The following AR variants were observed in gnomAD, a reference collection of about 807,000 sequenced individuals.
AR encodes the protein androgen receptor.
In AR, 8 loss-of-function variants were observed where a neutral mutation model predicts 53.9. The ratio of observed to expected loss-of-function variants is 0.15; its 90% CI spans 0.09 to 0.27. The LOEUF (loss-of-function observed/expected upper bound fraction) is 0.27. Among genes scored for constraint, AR ranks in the 10% least tolerant of loss-of-function variants. The pLI, the probability that AR is intolerant of heterozygous loss-of-function variation, is 1.00. For synonymous variants in AR, 359 were observed against 316.4 expected (o/e 1.13, Z -1.43); for missense variants, 639 against 742.5 (o/e 0.86, Z 1.62).
At chrX:67,567,434 C>T (rs976523385) in intron 1 of AR, among the ~76,000 whole-genome samples, 3 of 111,195 alleles carry the variant, frequency 2.7e-5, no homozygotes, top group Admixed American at 9.6e-5. Context: ...CCTTCCTTTC[C>T]GAGAGTCCTT....
intron 1 of AR, among the ~76,000 whole-genome samples, chrX:67,614,774 G>A (rs922116504): frequency 1.8e-5 from 2 of 111,211 alleles, no homozygotes; most frequent in Non-Finnish European, 3.8e-5. Flanking sequence ...ACTAGGGAAA[G>A]ACTTTAAAAA....
intron 2 of AR, among the ~76,000 whole-genome samples, chrX:67,655,348 C>T (rs1272209054): frequency 3.6e-5 from 4 of 111,128 alleles, no homozygotes; most frequent in African/African-American, 1.3e-4. Context: ...CACTTTTTTG[C>T]ATAGCTTCTT....
intron 1 of AR, among the ~76,000 whole-genome samples, chrX:67,579,501 G>C (rs947356455): frequency 2.7e-5 from 3 of 111,922 alleles, no homozygotes; most frequent in Admixed American, 1.9e-4. Flanking sequence ...AGAAAGGGCT[G>C]TAAGCATGGG....
At chrX:67,638,797 G>A (rs767550735) in intron 1 of AR, among the ~76,000 whole-genome samples, 13 of 112,013 alleles carry the variant, frequency 1.2e-4, no homozygotes, top group African/African-American at 2.9e-4. Flanking sequence ...TCTGATGATC[G>A]TTTCTTTTGC....
At chrX:67,583,591 A>G (rs765865289) in intron 1 of AR, among the ~76,000 whole-genome samples, 4 of 111,994 alleles carry the variant, frequency 3.6e-5, no homozygotes, top group Middle Eastern at 9.2e-3. Context: ...CTGATTGCCA[A>G]TGGTCATTCT....
chrX:67,664,215 G>T (rs1381911853), intron 2 of AR, among the ~76,000 whole-genome samples: 1 of 111,594 alleles, frequency 9.0e-6, no homozygotes, highest in Non-Finnish European at 1.9e-5. Flanking sequence ...AGAGTTTCCG[G>T]TTTTTCTGCT....
intron 1 of AR, among the ~76,000 whole-genome samples, chrX:67,597,753 T>TA (rs1181682082): frequency 8.9e-6 from 1 of 112,288 alleles, no homozygotes; most frequent in African/African-American, 3.2e-5. Context: ...AGTCTTGCCC[T>TA]AAAAATTCTA....
At chrX:67,662,770 T>C (rs1265535089) in intron 2 of AR, among the ~76,000 whole-genome samples, 1 of 111,415 alleles carries the variant, frequency 9.0e-6, no homozygotes, top group African/African-American at 3.3e-5. Context: ...AGTCTCTTTG[T>C]AGGTCTCTAA....
At chrX:67,578,465 ACT>A (rs1344525027) in intron 1 of AR, among the ~76,000 whole-genome samples, 1 of 111,594 alleles carries the variant, frequency 9.0e-6, no homozygotes, top group Non-Finnish European at 1.9e-5. Context: ...AATAAAATAA[ACT>A]CAAGTGGGAA....
intron 1 of AR, among the ~76,000 whole-genome samples, chrX:67,550,533 T>G (rs1378394652): frequency 9.1e-6 from 1 of 110,395 alleles, no homozygotes; most frequent in African/African-American, 3.3e-5. Context: ...TTATTTTTAA[T>G]GGTGATATCA....
intron 1 of AR, among the ~76,000 whole-genome samples, chrX:67,635,535 G>A (rs750547110): frequency 3.4e-4 from 38 of 110,811 alleles, no homozygotes; most frequent in African/African-American, 1.1e-3. Flanking sequence ...GAAAGTTGGG[G>A]GACAGGAGGA....
intron 1 of AR, among the ~76,000 whole-genome samples, chrX:67,632,267 A>G (rs1602209692): frequency 8.8e-6 from 1 of 113,143 alleles, no homozygotes; most frequent in Non-Finnish European, 1.9e-5. Flanking sequence ...TTGATCTCAG[A>G]CTGCTGTGCT....
intron 1 of AR, among the ~76,000 whole-genome samples, chrX:67,604,624 GA>G (rs957693801): frequency 2.7e-5 from 3 of 111,333 alleles, no homozygotes; most frequent in African/African-American, 9.8e-5. Flanking sequence ...GAAGGGGAGA[GA>G]AGAGTATTTC....
intron 3 of AR, among the ~76,000 whole-genome samples, chrX:67,706,464 G>A (rs1407480106): frequency 8.9e-6 from 1 of 111,839 alleles, no homozygotes; most frequent in Non-Finnish European, 1.9e-5. Context: ...TCTGATGGTA[G>A]TTTGTATTTC....
At chrX:67,569,406 G>A (rs956373524) in intron 1 of AR, among the ~76,000 whole-genome samples, 3 of 111,378 alleles carry the variant, frequency 2.7e-5, no homozygotes, top group African/African-American at 9.8e-5. Flanking sequence ...CACATGTGTT[G>A]TGGTTTGATG....
chrX:67,622,797 AG>A (rs1363111110), intron 1 of AR, among the ~76,000 whole-genome samples: 3 of 111,800 alleles, frequency 2.7e-5, no homozygotes, highest in Non-Finnish European at 5.6e-5. Flanking sequence ...AAGCAAAAAA[AG>A]TTTTTTCTTC....
At chrX:67,648,025 G>T (rs1310563676) in intron 2 of AR, among the ~76,000 whole-genome samples, 1 of 112,011 alleles carries the variant, frequency 8.9e-6, no homozygotes, top group Non-Finnish European at 1.9e-5. Flanking sequence ...GCTGCAGTTT[G>T]TTGACCTGTG....
At chrX:67,675,712 C>T (rs755968700) in intron 2 of AR, among the ~76,000 whole-genome samples, 4 of 112,049 alleles carry the variant, frequency 3.6e-5, no homozygotes, top group African/African-American at 9.7e-5. Context: ...CTACCCTTTT[C>T]GGTGCTTCTT....
intron 1 of AR, among the ~76,000 whole-genome samples, chrX:67,608,186 G>T (rs1923717994): frequency 8.9e-6 from 1 of 111,932 alleles, no homozygotes. Flanking sequence ...TATTTGCAGT[G>T]GAATTAATAA....
Sources: gnomAD v4.1 joint callset for allele counts (sites outside exome capture counted in the v4.1 genomes callset) on GRCh38, gnomAD v4.1.1 for gene constraint, MANE v1.5 for transcripts, NCBI Gene and HGNC (gene_info 2026-07-23, HGNC 2026-07-21) for gene names.